Variants in ZSCAN25 observed in about 807,000 individuals in gnomAD.
ZSCAN25 encodes zinc finger and SCAN domain containing 25, also known as zinc finger and SCAN domain-containing protein 25.
Under a neutral mutation model 38.7 loss-of-function variants are expected in ZSCAN25, and 27 were observed. The ratio of observed to expected loss-of-function variants is 0.70; its 90% CI spans 0.51 to 0.96. The LOEUF is 0.96. Among genes scored for constraint, ZSCAN25 ranks in the 40% least tolerant of loss-of-function variants. ZSCAN25 has a pLI of 0.00. For synonymous variants in ZSCAN25, 273 were observed against 277.7 expected, an observed-to-expected ratio of 0.98 and a Z score of 0.17; for missense variants, 637 against 705.9, an observed-to-expected ratio of 0.90 and a Z score of 1.11.
the ZSCAN25 span, chr7:99,659,646 TTGG>T: frequency 6.6e-6 from 1 of 152,572 alleles, no homozygotes; most frequent in Non-Finnish European, 1.5e-5. Context: ...CTGCTGCCTT[TTGG>T]TTGGCTATGC....
the ZSCAN25 span, among the ~76,000 whole-genome samples, chr7:99,718,055 T>C: frequency 6.6e-6 from 1 of 151,904 alleles, no homozygotes; most frequent in African/African-American, 2.4e-5. Context: ...ATGTGGTAGA[T>C]TTAAAAAAAT....
intron 4 of ZSCAN25, 129 bp downstream of exon 4, chr7:99,620,122 T>C: frequency 1.5e-6 from 2 of 1,346,150 alleles, no homozygotes; most frequent in Non-Finnish European, 2.0e-6. Flanking sequence ...TCAGACTCCC[T>C]GAGGTTCTTT....
At chr7:99,696,178 A>G in the ZSCAN25 span, among the ~76,000 whole-genome samples, 2 of 151,774 alleles carry the variant, frequency 1.3e-5, no homozygotes, top group African/African-American at 2.4e-5. Context: ...CCTTATGTCT[A>G]TTTAGTAAGT....
downstream of ZSCAN25, among the ~76,000 whole-genome samples, chr7:99,632,986 G>GGTTTTTTTTTTTTTTTTTTTTT (rs1808104766): frequency 7.1e-6 from 1 of 141,482 alleles, no homozygotes; most frequent in African/African-American, 2.8e-5. Flanking sequence ...TGCATTTTCT[G>GGTTTTTTTTTTTTTTTTTTTTT]TTGTTTTTTT....
At chr7:99,715,895 G>A in the ZSCAN25 span, 13 of 1,613,680 alleles carry the variant, frequency 8.1e-6, no homozygotes, top group South Asian at 1.1e-5. Flanking sequence ...CATGCTGTAG[G>A]CCCCAAAGAC....
rs1339683034 is a variant in ZSCAN25 at position 99,629,521 on chromosome 7, A to G, written c.1136A>G (p.Glu379Gly). 1.2e-6 allele frequency: 2 copies of G among 1,614,140 alleles called. No individual in the cohort carries two copies. Among genetic ancestry groups the G allele is most frequent in the Admixed American group, 1.7e-5 (1 of 60,014 alleles). Residue 379 changes from glutamate (E) to glycine (G), a missense_variant, in exon 8 of 8, where the codon GAG becomes GGG. Transcript: ENST00000394152. The surrounding 1 kb of genome is among the most constrained non-coding windows in gnomAD (Gnocchi z 5.6). ...THEEKSYGCVECGKGFTLREY... is the reference protein window; with the variant it reads ...THEEKSYGCVGCGKGFTLREY... ...GAAGAGAAGTCTTATGGCTGTGTGGAGTGTGGGAAGGGCTTTACCCTGAGA... is the reference window on the plus strand; with the variant it reads ...GAAGAGAAGTCTTATGGCTGTGTGGGGTGTGGGAAGGGCTTTACCCTGAGA...
chr7:99,654,187 C>A, the ZSCAN25 span, among the ~76,000 whole-genome samples: 7 of 152,186 alleles, frequency 4.6e-5, no homozygotes, highest in African/African-American at 1.7e-4. Context: ...CCCATTAACT[C>A]GTCATTTAAC....
At chr7:99,723,271 ATT>A in the ZSCAN25 span, among the ~76,000 whole-genome samples, 1 of 152,154 alleles carries the variant, frequency 6.6e-6, no homozygotes, top group African/African-American at 2.4e-5. Context: ...ACAACGTTCC[ATT>A]ATGACTTGTT....
chr7:99,714,061 T>A, the ZSCAN25 span, among the ~76,000 whole-genome samples: 2 of 152,176 alleles, frequency 1.3e-5, no homozygotes, highest in Non-Finnish European at 2.9e-5. Context: ...AGAGAAGACC[T>A]CTGTTCACTC....
the ZSCAN25 span, chr7:99,717,326 A>G: frequency 1.2e-6 from 2 of 1,612,988 alleles, no homozygotes; most frequent in Non-Finnish European, 1.7e-6. Context: ...CCAGAAGGAC[A>G]TGACTTTGCC....
In ZSCAN25 at chr7:99,629,734, G is replaced by A. The variant is rs200089234; in HGVS notation, c.1349G>A (p.Arg450Gln). Residue 450 changes from arginine to glutamine, a missense_variant, in exon 8 of 8, where the codon CGG (arginine) becomes CAG (glutamine). Coordinates refer to ENST00000394152, the MANE Select transcript of ZSCAN25 (RefSeq NM_145115.3). The surrounding 1 kb of genome is among the most constrained non-coding windows in gnomAD (Gnocchi z 5.6). ...FSRRQHLQVH[R>Q]RTHTGEKPYT... Reference sequence around the variant, plus strand: ...CGCAGGCAGCACCTGCAGGTGCACCGGAGGACGCACACCGGGGAGAAGCCC... The same window carrying A: ...CGCAGGCAGCACCTGCAGGTGCACCAGAGGACGCACACCGGGGAGAAGCCC... The A allele has an allele frequency of 5.3e-5, 86 of 1,613,982 alleles. No homozygotes were observed. Among genetic ancestry groups the A allele is most frequent in the East Asian group, 2.2e-4 (10 of 44,884 alleles).
chr7:99,719,064 T>C, the ZSCAN25 span, among the ~76,000 whole-genome samples: 1 of 152,294 alleles, frequency 6.6e-6, no homozygotes, highest in African/African-American at 2.4e-5. Flanking sequence ...ATAGTGAAGA[T>C]AAAGACTTTC....
At chr7:99,679,868 T>C in the ZSCAN25 span, 4 of 1,614,132 alleles carry the variant, frequency 2.5e-6, no homozygotes, top group Non-Finnish European at 3.4e-6. Flanking sequence ...AAGCCAGGTT[T>C]CCACCGCCAA....
the ZSCAN25 span, chr7:99,648,435 A>G: frequency 6.5e-7 from 1 of 1,533,846 alleles, no homozygotes; most frequent in Non-Finnish European, 8.9e-7. Context: ...GAGAATTAAT[A>G]AATGAAGTGA....
chr7:99,719,777 T>C, the ZSCAN25 span, among the ~76,000 whole-genome samples: 1 of 152,090 alleles, frequency 6.6e-6, no homozygotes. Flanking sequence ...TAAATTTGCA[T>C]AGAACTACCC....
At position 99,624,459 on chromosome 7, in the gene ZSCAN25, A is replaced by G. The variant is rs1807284963; in HGVS notation, c.805+279A>G. The G allele has an allele frequency of 7.1e-6, 3 of 424,108 alleles. No homozygotes were observed. In the South Asian group the frequency reaches 9.8e-5, roughly 14 times the overall value. 26.3% of individuals were successfully genotyped at this position (424,108 alleles called of 1,614,324 possible). A position where few individuals can be genotyped will look rare whatever the true frequency, so the allele number is the denominator to read the frequency against. ...ACCTACATTGTGTCCATGATTAAAG[A>G]CACTGAGGGCTTGAGAACAAGATAC... On this transcript the variant is annotated intron_variant, in intron 7 of 7. Coordinates refer to ENST00000394152, the MANE Select transcript of ZSCAN25 (RefSeq NM_145115.3).
the ZSCAN25 span, chr7:99,709,324 A>C: frequency 6.4e-7 from 1 of 1,571,460 alleles, no homozygotes; most frequent in Admixed American, 1.9e-5. Context: ...AACTCAGTCC[A>C]TGTAGTACTG....
At chr7:99,659,925 A>G in the ZSCAN25 span, 2 of 152,610 alleles carry the variant, frequency 1.3e-5, no homozygotes, top group Non-Finnish European at 1.5e-5. Flanking sequence ...CCATCAGAAA[A>G]GCGCAGTATT....
At chr7:99,646,433 G>A in the ZSCAN25 span, among the ~76,000 whole-genome samples, 14 of 152,168 alleles carry the variant, frequency 9.2e-5, no homozygotes, top group South Asian at 2.1e-4. Flanking sequence ...AATTTTGTAC[G>A]TTGATTTTGT....
Sources: gnomAD v4.1 joint callset for allele counts (sites outside exome capture counted in the v4.1 genomes callset) on GRCh38, gnomAD v4.1.1 for gene constraint, Gnocchi (gnomAD v3.1) non-coding constraint, MANE v1.5 for transcripts, NCBI Gene and HGNC (gene_info 2026-07-23, HGNC 2026-07-21) for gene names.